MYRIP: variants seen among roughly 807,000 people sequenced by gnomAD.
MYRIP encodes the protein myosin VIIA and Rab interacting protein.
Under a neutral mutation model 98.0 loss-of-function variants are expected in MYRIP, and 49 were observed. The observed-to-expected ratio is 0.50, with a 90% CI of 0.40 to 0.63. MYRIP has a LOEUF of 0.63. MYRIP is among the 30% of genes least tolerant of loss of function. The probability of loss-of-function intolerance (pLI) is 0.00; values close to 1 mark genes in which losing one functional copy is unlikely to be tolerated. For missense variants in MYRIP, 1,004 were observed against 1,058.2 expected, an observed-to-expected ratio of 0.95 and a Z score of 0.71; for synonymous variants, 404 against 409.5, an observed-to-expected ratio of 0.99 and a Z score of 0.16.
chr3:39,858,457 C>T (rs1373877092), intron 1 of MYRIP, among the ~76,000 whole-genome samples: 2 of 151,964 alleles, frequency 1.3e-5, no homozygotes, highest in South Asian at 2.1e-4. Flanking sequence ...ATTTTAATAT[C>T]CCACTTTCAA....
intron 1 of MYRIP, among the ~76,000 whole-genome samples, chr3:39,895,064 T>C (rs1943572095): frequency 6.6e-6 from 1 of 152,228 alleles, no homozygotes; most frequent in African/African-American, 2.4e-5. Context: ...AAATTGCTTT[T>C]TCTCTTTAAC....
chr3:39,972,696 C>G (rs1575425825), intron 2 of MYRIP, among the ~76,000 whole-genome samples: 1 of 152,060 alleles, frequency 6.6e-6, no homozygotes, highest in East Asian at 1.9e-4. Context: ...GGGAAGCTCA[C>G]ACAGATGGAC....
intron 2 of MYRIP, among the ~76,000 whole-genome samples, chr3:39,956,777 G>A (rs79334306): frequency 0.25 from 38,240 of 151,438 alleles, 5,690 homozygotes; most frequent in Middle Eastern, 0.36. Context: ...TTGATAGACC[G>A]CTAGCAAGAC....
intron 2 of MYRIP, among the ~76,000 whole-genome samples, chr3:40,032,991 C>T (rs1003708094): frequency 3.3e-5 from 5 of 151,810 alleles, no homozygotes; most frequent in Non-Finnish European, 7.4e-5. Flanking sequence ...TCAATAGATG[C>T]AGAAAAGGCC....
At chr3:39,866,674 G>T (rs913808146) in intron 1 of MYRIP, among the ~76,000 whole-genome samples, 2 of 151,988 alleles carry the variant, frequency 1.3e-5, no homozygotes, top group African/African-American at 4.8e-5. Context: ...ATGGATGAAA[G>T]AAACTGAAAA....
intron 1 of MYRIP, among the ~76,000 whole-genome samples, chr3:39,894,373 ATAC>A: frequency 6.6e-6 from 1 of 152,204 alleles, no homozygotes; most frequent in East Asian, 1.9e-4. Context: ...TTTGAACTTT[ATAC>A]AATTGGGATC....
intron 3 of MYRIP, among the ~76,000 whole-genome samples, chr3:40,066,041 GACGAAGAAGGACCCCACACCTTCTGCA>G (rs1473820797): frequency 6.6e-6 from 1 of 152,202 alleles, no homozygotes; most frequent in Non-Finnish European, 1.5e-5. Context: ...GCCTTGCTGT[GACGAAGAAGGACCCCACACCTTCTGCA>G]CAGCCTCCTG....
chr3:40,096,050 G>T (rs1253781741), intron 3 of MYRIP, among the ~76,000 whole-genome samples: 2 of 130,716 alleles, frequency 1.5e-5, no homozygotes, highest in African/African-American at 5.9e-5. Context: ...CCCTCCCCCA[G>T]ACTCCAGCAC....
chr3:40,006,904 T>G (rs557230480), intron 2 of MYRIP, among the ~76,000 whole-genome samples: 69 of 152,240 alleles, frequency 4.5e-4, no homozygotes, highest in Non-Finnish European at 7.8e-4. Flanking sequence ...TCTGTTGCCC[T>G]GGCTGGGGTG....
At chr3:40,164,242 C>T (rs1950459006) in intron 5 of MYRIP, among the ~76,000 whole-genome samples, 1 of 152,218 alleles carries the variant, frequency 6.6e-6, no homozygotes, top group South Asian at 2.1e-4. Context: ...GCATACCTCT[C>T]TGCTCAAAAC....
chr3:40,056,150 C>A (rs1274108776), intron 3 of MYRIP, among the ~76,000 whole-genome samples: 2 of 152,194 alleles, frequency 1.3e-5, no homozygotes, highest in Non-Finnish European at 2.9e-5. Context: ...GCTTTGGGAA[C>A]CATGCCTGGG....
intron 2 of MYRIP, among the ~76,000 whole-genome samples, chr3:39,972,893 G>A (rs931028480): frequency 4.0e-5 from 6 of 151,494 alleles, no homozygotes; most frequent in Non-Finnish European, 8.8e-5. Flanking sequence ...TTTATCTCTC[G>A]GTGCAGCTGA....
Position 39,919,723 on chromosome 3 carries a change from T to TGAGA in MYRIP, c.110+18798_110+18799insAGAG, listed in dbSNP as rs1461895990. On this transcript the variant is annotated intron_variant, in intron 2 of 16. Transcript: ENST00000302541. ...GTGTGTGTGTGTGTGTGTGTGTGTG[T>TGAGA]GTGTGAGAGAGAGAGAGAGAGAGAG... Among the ~76,000 whole-genome samples the TGAGA allele has an allele frequency of 1.8e-3, 260 of 146,776 alleles. 1 individual carries two copies. The highest frequency in any genetic ancestry group is 6.0e-3 in the African/African-American group (231 of 38,674).
chr3:40,175,103 T>C (rs916715306), intron 8 of MYRIP, among the ~76,000 whole-genome samples: 3 of 151,352 alleles, frequency 2.0e-5, no homozygotes, highest in African/African-American at 7.3e-5. Context: ...CCAGCCTGGG[T>C]GACAGAGCAA....
chr3:39,810,097 G>C (rs1003852656), intron 1 of MYRIP, among the ~76,000 whole-genome samples, 181 bp downstream of exon 1: 1 of 152,192 alleles, frequency 6.6e-6, no homozygotes, highest in Non-Finnish European at 1.5e-5. Flanking sequence ...TCTGCGGAGG[G>C]GCGAGGGGCG....
chr3:39,996,908 C>G (rs1340799580), intron 2 of MYRIP, among the ~76,000 whole-genome samples: 1 of 152,206 alleles, frequency 6.6e-6, no homozygotes. Context: ...TACATGGAAA[C>G]TGAACAACCT....
intron 3 of MYRIP, among the ~76,000 whole-genome samples, chr3:40,098,282 G>A (rs1332779882): frequency 3.3e-5 from 5 of 152,108 alleles, no homozygotes; most frequent in Admixed American, 2.6e-4. Flanking sequence ...AATGAGGCAT[G>A]CCCCTTTTCA....
At chr3:39,923,643 T>C (rs959173239) in intron 2 of MYRIP, among the ~76,000 whole-genome samples, 4 of 152,128 alleles carry the variant, frequency 2.6e-5, no homozygotes, top group Non-Finnish European at 2.9e-5. Context: ...AGGAGACCTT[T>C]GCTAAGGAAG....
At chr3:40,027,270 T>G (rs78131487) in intron 2 of MYRIP, among the ~76,000 whole-genome samples, 10,187 of 152,124 alleles carry the variant, frequency 0.067, 485 homozygotes, top group East Asian at 0.18. Context: ...CAATGACTCC[T>G]GCCCAGCCCA....
Sources: gnomAD v4.1 joint callset for allele counts (sites outside exome capture counted in the v4.1 genomes callset) on GRCh38, gnomAD v4.1.1 for gene constraint, MANE v1.5 for transcripts, NCBI Gene and HGNC (gene_info 2026-07-23, HGNC 2026-07-21) for gene names.